Variants in NBPF20 observed in about 807,000 individuals in gnomAD.
NBPF20 encodes the protein NBPF member 20.
NBPF20 carries 90 observed loss-of-function variants against 68.1 expected under a neutral mutation model. The ratio of observed to expected loss-of-function variants is 1.32; its 90% CI spans 1.11 to 1.58. The LOEUF (loss-of-function observed/expected upper bound fraction) is 1.58, where lower values mean the gene tolerates loss of function less well. Ranked by LOEUF, NBPF20 falls within the 40% of genes most tolerant of loss-of-function variation. The pLI is 0.00. For synonymous variants in NBPF20, 290 were observed against 228.1 expected (o/e 1.27, Z -2.45); for missense variants, 816 against 601.2 (o/e 1.36, Z -3.74).
chr1:145,419,952 CCTCT>C, the NBPF20 span, among the ~76,000 whole-genome samples: 5 of 152,076 alleles, frequency 3.3e-5, no homozygotes, highest in African/African-American at 1.2e-4. Flanking sequence ...TCAAAAGTGG[CCTCT>C]CTTTTAACCC....
At chr1:145,398,291 C>T (rs1271023554) in intron 7 of NBPF20, among the ~76,000 whole-genome samples, 20 of 151,738 alleles carry the variant, frequency 1.3e-4, no homozygotes, top group South Asian at 2.1e-4. Flanking sequence ...CTTCTCAGCA[C>T]CACATCACAC....
chr1:145,424,380 T>C, the NBPF20 span, among the ~76,000 whole-genome samples: 85 of 152,178 alleles, frequency 5.6e-4, 1 homozygote, highest in African/African-American at 1.7e-3. Flanking sequence ...CATTTCACAA[T>C]AGAAAAAAAG....
exon 138 of NBPF20, chr1:145,290,189 G>A (rs1362444758): frequency 1.1e-4 from 17 of 148,014 alleles, no homozygotes; most frequent in African/African-American, 4.4e-4. Context: ...CAGGCAGGGA[G>A]GATTAATAAA....
At chr1:145,397,610 G>A (rs1662320035) in intron 7 of NBPF20, among the ~76,000 whole-genome samples, 1 of 152,150 alleles carries the variant, frequency 6.6e-6, no homozygotes, top group African/African-American at 2.4e-5. Flanking sequence ...GGAACAACCG[G>A]TACCAGCCAC....
At chr1:145,306,258 G>A (rs1661404868) in intron 119 of NBPF20, among the ~76,000 whole-genome samples, 193 bp from the exon 125 acceptor site, 7 of 143,974 alleles carry the variant, frequency 4.9e-5, no homozygotes, top group African/African-American at 1.8e-4. Flanking sequence ...GAGAAAGACA[G>A]ATAGACACAC....
chr1:145,403,618 G>A (rs1231243139), intron 2 of NBPF20, among the ~76,000 whole-genome samples: 2 of 152,178 alleles, frequency 1.3e-5, no homozygotes, highest in Non-Finnish European at 2.9e-5. Context: ...TGAATGCGGG[G>A]CCACTTTCCC....
At chr1:145,419,073 AAGGG>A in the NBPF20 span, among the ~76,000 whole-genome samples, 2 of 134,258 alleles carry the variant, frequency 1.5e-5, no homozygotes, top group African/African-American at 2.9e-5. Context: ...AGGAAGGAGG[AAGGG>A]AGGGAGGAAG....
chr1:145,378,203 T>C, intron 28 of NBPF20, 109 bp from the exon 34 acceptor site: 1 of 65,452 alleles, frequency 1.5e-5, no homozygotes, highest in Non-Finnish European at 2.6e-5. Flanking sequence ...AGCATGAGAA[T>C]AGGACACTGT....
chr1:145,422,644 T>C, the NBPF20 span, among the ~76,000 whole-genome samples: 86 of 152,170 alleles, frequency 5.7e-4, no homozygotes, highest in South Asian at 0.015. Flanking sequence ...AGGAAAAGAA[T>C]AGTCTTTTCA....
At chr1:145,399,827 T>A in intron 6 of NBPF20, among the ~76,000 whole-genome samples, 1 of 121,910 alleles carries the variant, frequency 8.2e-6, no homozygotes. Flanking sequence ...AAACATTGGA[T>A]CAGCCATTGC....
At chr1:145,309,805 T>C in intron 115 of NBPF20, 92 bp downstream of exon 120, 1 of 50,064 alleles carries the variant, frequency 2.0e-5, no homozygotes, top group East Asian at 5.8e-4. Context: ...CTGGAAAAGA[T>C]GTAATCGATA....
upstream of NBPF20, among the ~76,000 whole-genome samples, chr1:145,410,282 T>C: frequency 6.6e-6 from 1 of 151,996 alleles, no homozygotes; most frequent in African/African-American, 2.4e-5. Context: ...CAGTGGAGCA[T>C]CTTTTCCTAT....
chr1:145,352,228 C>T (rs1290782883), intron 61 of NBPF20, 139 bp from the exon 67 acceptor site: 1 of 136,170 alleles, frequency 7.3e-6, no homozygotes, highest in Non-Finnish European at 1.4e-5. Flanking sequence ...CAAATTATTG[C>T]CTTCATGTTG....
rs1457122775 is a variant in NBPF20, at chr1:145,400,767, G to T, written c.567-173C>A. On this transcript the variant is annotated intron_variant, in intron 5 of 137. Coordinates refer to ENST00000369373, the Ensembl canonical transcript of NBPF20. ...CCTGTTCTCTCTGCAACAGAGCATG[G>T]CTGCCATGGGAACCAGAGAGGAAGA... Among the ~76,000 whole-genome samples the T allele has an allele frequency of 2.6e-5, 4 of 152,266 alleles. No individual in the cohort carries two copies. The East Asian group carries it at 5.8e-4, about 22-fold the overall frequency.
the NBPF20 span, among the ~76,000 whole-genome samples, chr1:145,419,840 AAAG>A: frequency 6.6e-6 from 1 of 152,280 alleles, no homozygotes; most frequent in African/African-American, 2.4e-5. Flanking sequence ...ATGCTCAGTG[AAAG>A]AAGGCGTCCA....
rs1355783610 is a variant in NBPF20 at position 145,291,920 on chromosome 1, T to A, written c.16698-151A>T. On this transcript the variant is annotated intron_variant, in intron 137 of 137. Transcript: ENST00000369373. Reference sequence around the variant, plus strand: ...AAAAAAAAAATTTATTGCCTATATGTTGGGATAGAACAGGGCCAGGTAGAA... The same window carrying A: ...AAAAAAAAAATTTATTGCCTATATGATGGGATAGAACAGGGCCAGGTAGAA... 7.3e-6 allele frequency: 11 copies of A among 1,512,602 alleles called. No individual in the cohort carries two copies. The East Asian group carries it at 9.0e-5, about 12-fold the overall frequency. 93.7% of individuals were successfully genotyped at this position (1,512,602 alleles called of 1,614,324 possible). A position where few individuals can be genotyped will look rare whatever the true frequency, so the allele number is the denominator to read the frequency against.
intron 7 of NBPF20, among the ~76,000 whole-genome samples, chr1:145,395,627 A>C (rs1553663613): frequency 6.7e-6 from 1 of 149,910 alleles, no homozygotes; most frequent in East Asian, 1.9e-4. Flanking sequence ...ACTACCAACA[A>C]ATAGGAAAAA....
chr1:145,419,373 A>G, the NBPF20 span, among the ~76,000 whole-genome samples: 1 of 152,208 alleles, frequency 6.6e-6, no homozygotes, highest in African/African-American at 2.4e-5. Context: ...CTGTAAAACT[A>G]TATACTGTTT....
chr1:145,292,563 C>G (rs1351932267), intron 136 of NBPF20, 74 bp from the exon 142 acceptor site: 4 of 733,038 alleles, frequency 5.5e-6, no homozygotes, highest in African/African-American at 1.9e-5. Flanking sequence ...CTGTCTAATC[C>G]TCACACAGGG....
Sources: allele counts gnomAD v4.1 joint callset (sites outside exome capture counted in the v4.1 genomes callset), GRCh38; gene constraint gnomAD v4.1.1; transcripts MANE v1.5; gene names NCBI Gene and HGNC (gene_info 2026-07-23, HGNC 2026-07-21).